Variants in HELZ observed in about 807,000 individuals in gnomAD.
The protein encoded by HELZ is ATP-dependent RNA helicase with zinc finger domain.
A neutral mutation model predicts 218.2 loss-of-function variants in HELZ; 23 were observed. The observed-to-expected ratio is 0.11, with a 90% confidence interval of 0.08 to 0.15. HELZ has a LOEUF of 0.15. Ranked by LOEUF, HELZ falls within the 10% of genes least tolerant of loss-of-function variation. The pLI is 1.00. For synonymous variants in HELZ, 814 were observed against 829.4 expected, an observed-to-expected ratio of 0.98 and a Z score of 0.32; for missense variants, 1,813 against 2,353.7, an observed-to-expected ratio of 0.77 and a Z score of 4.75.
intron 17 of HELZ, among the ~76,000 whole-genome samples, chr17:67,156,507 T>C (rs1402056422): frequency 6.6e-6 from 1 of 152,128 alleles, no homozygotes; most frequent in Admixed American, 6.5e-5. Context: ...CTCCATCTAA[T>C]CAAGGGACAT....
At chr17:67,160,446 G>T in intron 16 of HELZ, 84 bp from the exon 17 acceptor site, 1 of 863,758 alleles carries the variant, frequency 1.2e-6, no homozygotes, top group Non-Finnish European at 1.9e-6. Context: ...AAAAGCAGTG[G>T]CCATCCTAAT....
chr17:67,094,732 G>C (rs143101409), intron 31 of HELZ, among the ~76,000 whole-genome samples: 17 of 152,294 alleles, frequency 1.1e-4, no homozygotes, highest in African/African-American at 3.9e-4. Flanking sequence ...TGAGGCTTAA[G>C]TGAGTTATGA....
intron 31 of HELZ, among the ~76,000 whole-genome samples, chr17:67,093,404 G>A (rs1422275869): frequency 6.6e-6 from 1 of 152,132 alleles, no homozygotes; most frequent in Non-Finnish European, 1.5e-5. Flanking sequence ...TTCAGAAAGT[G>A]AGACATGGAG....
At chr17:67,244,765 A>G (rs941157871) in intron 1 of HELZ, 3 of 984,684 alleles carry the variant, frequency 3.0e-6, no homozygotes, top group African/African-American at 1.7e-5. Flanking sequence ...CCCCACCCCC[A>G]GCCGCGACCC....
chr17:67,198,539 A>C (rs752356250), intron 7 of HELZ, among the ~76,000 whole-genome samples: 2 of 152,248 alleles, frequency 1.3e-5, no homozygotes, highest in Non-Finnish European at 2.9e-5. Context: ...CTTTACCGAC[A>C]CCTTCAGGAA....
At chr17:67,150,825 G>A (rs1720849894) in intron 18 of HELZ, among the ~76,000 whole-genome samples, 1 of 152,190 alleles carries the variant, frequency 6.6e-6, no homozygotes, top group Admixed American at 6.5e-5. Flanking sequence ...TTTAGATTTT[G>A]TGGACCATAT....
intron 31 of HELZ, among the ~76,000 whole-genome samples, chr17:67,106,600 C>A (rs1216019372): frequency 6.6e-6 from 1 of 152,204 alleles, no homozygotes; most frequent in Admixed American, 6.5e-5. Flanking sequence ...AGCCACTGCA[C>A]CCGGCAGAAA....
At chr17:67,227,486 C>T (rs2040925908) in intron 3 of HELZ, among the ~76,000 whole-genome samples, 1 of 152,032 alleles carries the variant, frequency 6.6e-6, no homozygotes. Flanking sequence ...CACACCCAAC[C>T]GACATGATTT....
chr17:67,078,062 CA>C lies in HELZ; in HGVS notation c.*189del. 1 of 494,430 alleles carries C rather than the reference CA, an allele frequency of 2.0e-6. No individual in the cohort carries two copies. The highest frequency in any genetic ancestry group is 3.6e-6 in the Non-Finnish European group (1 of 281,046). The allele number at this position is 494,430 out of a possible 1,614,324, so 30.6% of individuals were successfully genotyped here. ...AAAAGCTGTCAAAGTTTTGACACAT[CA>C]AAAATGCAAAATAATGGAATATACT... On this transcript the variant is annotated 3_prime_UTR_variant, in exon 33 of 33. Coordinates refer to ENST00000358691, the MANE Select transcript of HELZ (RefSeq NM_014877.4).
At chr17:67,192,732 A>G (rs1394197625) in intron 9 of HELZ, among the ~76,000 whole-genome samples, 3 of 152,208 alleles carry the variant, frequency 2.0e-5, no homozygotes, top group Non-Finnish European at 2.9e-5. Context: ...CTTCGCTATC[A>G]AAAGTAATCT....
chr17:67,075,101 T>C lies in HELZ; in HGVS notation c.*3151A>G, dbSNP rs1055091687. The C allele has an allele frequency of 1.3e-5, 2 of 152,148 alleles. No individual in the cohort carries two copies. The highest frequency in any genetic ancestry group is 2.9e-5 in the Non-Finnish European group (2 of 68,010). The allele number at this position is 152,148 out of a possible 1,614,324, so 9.4% of individuals were successfully genotyped here. ...AAGAAAATATCCATGTTACACGGAA[T>C]GAGGTTCTTCAAATCGTAACAAAAG... On this transcript the variant is annotated 3_prime_UTR_variant, in exon 33 of 33. Transcript: ENST00000358691.
chr17:67,109,444 C>G lies in HELZ; in HGVS notation c.4161G>C (p.Leu1387Phe). The G allele has an allele frequency of 2.5e-6, 4 of 1,614,074 alleles. No individual in the cohort carries two copies. The highest frequency in any genetic ancestry group is 2.7e-5 in the African/African-American group (2 of 75,004). ...GTGGTATCTGATTTGGTTGTTCAGG[C>G]AAATTATTCTGCTGCTGATTTAACA... is the stretch of plus-strand genomic sequence containing the variant. ...HTLLNQQQNN[L>F]PEQPNQIPPQ... Residue 1387 changes from leucine (L) to phenylalanine (F), a missense_variant, in exon 29 of 33, where the codon TTG becomes TTC. By Grantham distance (22) the Leu-to-Phe change is conservative. Transcript: ENST00000358691.
At chr17:67,124,648 G>A (rs925957134) in intron 24 of HELZ, among the ~76,000 whole-genome samples, 2 of 152,104 alleles carry the variant, frequency 1.3e-5, no homozygotes, top group African/African-American at 4.8e-5. Flanking sequence ...AACCCAGTAA[G>A]TGCACTTCCA....
intron 31 of HELZ, among the ~76,000 whole-genome samples, chr17:67,088,993 A>T (rs568372241): frequency 2.4e-4 from 37 of 152,184 alleles, no homozygotes; most frequent in African/African-American, 8.7e-4. Flanking sequence ...CTTTTTTTTT[A>T]AATCAAGGTT....
chr17:67,226,776 T>G (rs1198019922), intron 3 of HELZ, among the ~76,000 whole-genome samples: 1 of 152,154 alleles, frequency 6.6e-6, no homozygotes, highest in Non-Finnish European at 1.5e-5. Flanking sequence ...TAAACAGACC[T>G]CTTTGTGATA....
Position 67,107,398 on chromosome 17 carries a change from G to A in HELZ, c.5012C>T (p.Pro1671Leu). The change falls in exon 31 of 33, where the codon CCT becomes CTT. Residue 1671 changes from proline to leucine, a missense_variant. By Grantham distance (98) the Pro-to-Leu change is moderately conservative (BLOSUM62 -3). Coordinates refer to ENST00000358691, the MANE Select transcript of HELZ (RefSeq NM_014877.4). ...AGGTGCCAGGTATTTCAAGGGAGGA[G>A]GGGCAAGGTGTTCAGATGGCAACGA... is the stretch of plus-strand genomic sequence containing the variant. Reference protein sequence around the residue: ...PFSLPSEHLAPPPLKYLAPDG... With the variant: ...PFSLPSEHLALPPLKYLAPDG... 1 of 1,614,196 alleles carries A rather than the reference G, an allele frequency of 6.2e-7. No individual in the cohort carries two copies. The highest frequency in any genetic ancestry group is 1.1e-5 in the South Asian group (1 of 91,078).
At chr17:67,145,915 A>C in intron 20 of HELZ, 25 bp from the exon 21 acceptor site, 1 of 1,593,082 alleles carries the variant, frequency 6.3e-7, no homozygotes, top group Middle Eastern at 1.7e-4. Context: ...AAAAAGAAAA[A>C]AGGGGGAAAA....
At chr17:67,211,339 T>C (rs1263799157) in intron 5 of HELZ, among the ~76,000 whole-genome samples, 1 of 152,214 alleles carries the variant, frequency 6.6e-6, no homozygotes, top group Non-Finnish European at 1.5e-5. Flanking sequence ...AATTCTATTA[T>C]GCTAATAATA....
In HELZ at chr17:67,151,244, T is replaced by G. The variant is rs768260818; in HGVS notation, c.2178-20A>C. On this transcript the variant is annotated intron_variant, in intron 17 of 32. Coordinates refer to ENST00000358691, the MANE Select transcript of HELZ (RefSeq NM_014877.4). ...TATACCCTGGAAAAGAAGAAAATAT[T>G]TCTGATTTACATTTACTAATTTCTT... 6.3e-6 allele frequency: 10 copies of G among 1,578,640 alleles called. No homozygotes were observed. The African/African-American group carries it at 1.2e-4, about 19-fold the overall frequency.
Sources: gnomAD v4.1 joint callset for allele counts (sites outside exome capture counted in the v4.1 genomes callset) on GRCh38, gnomAD v4.1.1 for gene constraint, MANE v1.5 for transcripts, NCBI Gene and HGNC (gene_info 2026-07-23, HGNC 2026-07-21) for gene names.